The following DLGAP2 variants were observed in gnomAD, a reference collection of about 807,000 sequenced individuals.
The protein encoded by DLGAP2 is disks large-associated protein 2.
In DLGAP2, 26 loss-of-function variants were observed where a neutral mutation model predicts 100.3. That is an observed-to-expected ratio of 0.26 (90% CI 0.19 to 0.36). The LOEUF (loss-of-function observed/expected upper bound fraction) is 0.36. Among genes scored for constraint, DLGAP2 ranks in the 10% least tolerant of loss-of-function variants. DLGAP2 has a pLI of 1.00. For synonymous variants in DLGAP2, 886 were observed against 630.1 expected, an observed-to-expected ratio of 1.41 and a Z score of -6.08; for missense variants, 1,858 against 1,453.2, an observed-to-expected ratio of 1.28 and a Z score of -4.53.
At chr8:937,433 GAGAGAGACTT>G (rs1799097154) in intron 2 of DLGAP2, among the ~76,000 whole-genome samples, 1 of 152,174 alleles carries the variant, frequency 6.6e-6, no homozygotes, top group East Asian at 1.9e-4. Context: ...CCATGACTAT[GAGAGAGACTT>G]CTTTAAAGAG....
intron 2 of DLGAP2, among the ~76,000 whole-genome samples, chr8:1,108,921 A>G (rs1167139695): frequency 1.0e-4 from 11 of 106,624 alleles, no homozygotes; most frequent in South Asian, 6.9e-4. Flanking sequence ...AGTGTGCTGG[A>G]TCTGTGAGGT....
chr8:899,868 ATTT>A (rs1798215578), intron 1 of DLGAP2, among the ~76,000 whole-genome samples: 1 of 152,164 alleles, frequency 6.6e-6, no homozygotes, highest in African/African-American at 2.4e-5. Context: ...CACACCACTT[ATTT>A]GTTATGTGAA....
intron 12 of DLGAP2, among the ~76,000 whole-genome samples, chr8:1,690,371 TAAAAC>T (rs553726944): frequency 3.4e-5 from 5 of 149,050 alleles, no homozygotes; most frequent in Non-Finnish European, 5.9e-5. Flanking sequence ...AATAAATAAA[TAAAAC>T]AAAATAAACA....
chr8:1,539,887 A>G (rs6996821), intron 4 of DLGAP2, among the ~76,000 whole-genome samples: 124,843 of 151,874 alleles, frequency 0.82, 51,588 homozygotes, highest in African/African-American at 0.91. Flanking sequence ...GTGCCCCCCA[A>G]GCCCCTCAGT....
intron 1 of DLGAP2, among the ~76,000 whole-genome samples, chr8:834,515 A>C (rs563589479): frequency 1.3e-5 from 2 of 152,214 alleles, no homozygotes; most frequent in Non-Finnish European, 2.9e-5. Flanking sequence ...ATTAAGTGCA[A>C]ATCTCATTGC....
intron 3 of DLGAP2, among the ~76,000 whole-genome samples, chr8:1,328,215 T>C (rs1156314981): frequency 1.3e-5 from 2 of 151,882 alleles, no homozygotes; most frequent in East Asian, 3.9e-4. Context: ...AATTTTTTTA[T>C]TTTTTTAGTT....
chr8:1,277,124 C>T (rs1259872665), intron 3 of DLGAP2, among the ~76,000 whole-genome samples: 1 of 152,136 alleles, frequency 6.6e-6, no homozygotes, highest in Non-Finnish European at 1.5e-5. Context: ...CATGCTCATT[C>T]ATGATTATTT....
At chr8:840,689 T>C (rs375360613) in intron 1 of DLGAP2, among the ~76,000 whole-genome samples, 1 of 110,606 alleles carries the variant, frequency 9.0e-6, no homozygotes, top group African/African-American at 3.6e-5. Flanking sequence ...TGCACACCTG[T>C]ATGTCTCCCT....
chr8:1,175,788 A>C (rs576862884), intron 2 of DLGAP2, among the ~76,000 whole-genome samples: 1 of 152,214 alleles, frequency 6.6e-6, no homozygotes, highest in Non-Finnish European at 1.5e-5. Flanking sequence ...CGGGAAAGTA[A>C]ATCTTAATAC....
intron 1 of DLGAP2, among the ~76,000 whole-genome samples, chr8:747,939 C>T (rs1390003782): frequency 1.1e-4 from 1 of 9,492 alleles, no homozygotes; most frequent in Non-Finnish European, 1.4e-4. Context: ...GTGGGATGGG[C>T]GGGCCTGCGG....
intron 2 of DLGAP2, among the ~76,000 whole-genome samples, chr8:983,406 C>G (rs910880099): frequency 1.3e-5 from 2 of 148,492 alleles, no homozygotes; most frequent in South Asian, 2.2e-4. Flanking sequence ...AGATGTTCTT[C>G]TGTCCCTTAG....
At chr8:1,137,447 G>A (rs1237216461) in intron 2 of DLGAP2, 1 of 152,590 alleles carries the variant, frequency 6.6e-6, no homozygotes, top group African/African-American at 2.4e-5. Context: ...CTGTCCCATT[G>A]CTGCATGGAG....
chr8:1,355,447 C>G (rs991466244), intron 3 of DLGAP2, among the ~76,000 whole-genome samples: 3 of 152,152 alleles, frequency 2.0e-5, no homozygotes, highest in Admixed American at 6.5e-5. Flanking sequence ...TCACTGCAAC[C>G]TCCACCTCCC....
At chr8:1,483,517 G>C in intron 3 of DLGAP2, among the ~76,000 whole-genome samples, 1 of 139,276 alleles carries the variant, frequency 7.2e-6, no homozygotes, top group Non-Finnish European at 1.5e-5. Flanking sequence ...ACAAGGGAAG[G>C]CTGAACTGCT....
chr8:1,463,928 C>A (rs1185368650), intron 3 of DLGAP2, among the ~76,000 whole-genome samples: 2 of 152,186 alleles, frequency 1.3e-5, no homozygotes, highest in Non-Finnish European at 2.9e-5. Flanking sequence ...ACACGTGGAG[C>A]TTTCACAGTT....
intron 6 of DLGAP2, among the ~76,000 whole-genome samples, chr8:1,595,863 A>AT (rs886362647): frequency 6.8e-5 from 10 of 147,982 alleles, no homozygotes; most frequent in African/African-American, 9.8e-5. Context: ...TTTAATAGTA[A>AT]TTTTTTTTTA....
At chr8:988,715 A>T (rs1183762363) in intron 2 of DLGAP2, among the ~76,000 whole-genome samples, 1 of 151,706 alleles carries the variant, frequency 6.6e-6, no homozygotes, top group Non-Finnish European at 1.5e-5. Flanking sequence ...TGCCCTGTCC[A>T]CCTGCCCTCT....
intron 2 of DLGAP2, among the ~76,000 whole-genome samples, chr8:1,220,146 C>T (rs184047162): frequency 1.3e-5 from 2 of 152,060 alleles, no homozygotes; most frequent in Admixed American, 6.6e-5. Context: ...TTGTTTTCTT[C>T]TACCTTTGGG....
chr8:1,506,926 T>G (rs1236251956), intron 4 of DLGAP2, among the ~76,000 whole-genome samples: 1 of 152,136 alleles, frequency 6.6e-6, no homozygotes, highest in Non-Finnish European at 1.5e-5. Context: ...TTTACAATCC[T>G]CTAGCTAGAC....
Sources: gnomAD v4.1 joint callset for allele counts (sites outside exome capture counted in the v4.1 genomes callset) on GRCh38, gnomAD v4.1.1 for gene constraint, MANE v1.5 for transcripts, NCBI Gene and HGNC (gene_info 2026-07-23, HGNC 2026-07-21) for gene names.